The following ADGRF4 variants were observed in gnomAD, a reference collection of about 807,000 sequenced individuals.
The protein encoded by ADGRF4 is G-protein coupled receptor PGR18.
A neutral mutation model predicts 58.5 loss-of-function variants in ADGRF4; 63 were observed. The ratio of observed to expected loss-of-function variants is 1.08; its 90% CI spans 0.88 to 1.33. The LOEUF (loss-of-function observed/expected upper bound fraction) is 1.33. Among genes scored for constraint, ADGRF4 ranks in the 40% most tolerant of loss-of-function variants. The pLI, the probability that ADGRF4 is intolerant of heterozygous loss-of-function variation, is 0.00. For synonymous variants in ADGRF4, 313 were observed against 295.4 expected (o/e 1.06, Z -0.61); for missense variants, 931 against 843.9 (o/e 1.10, Z -1.28).
At chr6:47,702,317 A>G (rs1277590042) in intron 1 of ADGRF4, among the ~76,000 whole-genome samples, 3 of 151,996 alleles carry the variant, frequency 2.0e-5, no homozygotes, top group African/African-American at 7.3e-5. Flanking sequence ...TGACCATGGA[A>G]CCCCTTTGGC....
chr6:47,707,976 A>G (rs1258535003), intron 2 of ADGRF4, among the ~76,000 whole-genome samples: 2 of 152,168 alleles, frequency 1.3e-5, no homozygotes, highest in Admixed American at 6.5e-5. Flanking sequence ...CATCTCTACT[A>G]ACTTCACCTA....
chr6:47,699,845 C>T (rs183149499), intron 1 of ADGRF4, among the ~76,000 whole-genome samples: 1 of 151,784 alleles, frequency 6.6e-6, no homozygotes, highest in African/African-American at 2.4e-5. Context: ...AATTATACTA[C>T]TGGAACAGAG....
rs375005637 is a variant in ADGRF4, at chr6:47,707,304, A to T, written c.59A>T (p.Glu20Val). 65 of 1,613,044 alleles carry T rather than the reference A, an allele frequency of 4.0e-5. No individual in the cohort carries two copies. The highest frequency in any genetic ancestry group is 1.6e-4 in the Middle Eastern group (1 of 6,062). ...TGCTTAGTGTTCTTTCTGTCCACAG[A>T]ATGTTCCCACTATAGATCCAAGATT... Reference protein sequence around the residue: ...ICCLVFFLSTECSHYRSKIHL... With the variant: ...ICCLVFFLSTVCSHYRSKIHL... The change falls in exon 2 of 10, where the codon GAA becomes GTA. Residue 20 changes from glutamate (E) to valine (V), a missense_variant. Glu to Val is a moderately radical substitution (Grantham distance 121). Transcript: ENST00000283303.
Position 47,713,264 on chromosome 6 carries a change from C to A in ADGRF4, c.553-534C>A, listed in dbSNP as rs563606089. Among the ~76,000 whole-genome samples the A allele has an allele frequency of 7.2e-4, 11 of 15,218 alleles. No individual in the cohort carries two copies. The South Asian group carries it at 0.21, about 296-fold the overall frequency. 10.0% of individuals were successfully genotyped at this position (15,218 alleles called of 152,430 possible). On this transcript the variant is annotated intron_variant, in intron 5 of 9. Coordinates refer to ENST00000283303, the MANE Select transcript of ADGRF4 (RefSeq NM_153838.5). ...GAGGACCACTGCTGTAGAACATAAC[C>A]ATTCTGAGAAAGTTAATGGAGATTC...
chr6:47,712,242 G>C (rs1771888900), intron 4 of ADGRF4, 115 bp from the exon 5 acceptor site: 2 of 1,000,714 alleles, frequency 2.0e-6, no homozygotes, highest in Admixed American at 4.4e-5. Context: ...CCACTTTTTA[G>C]GACTCTTTGC....
At chr6:47,716,756 A>G (rs1173633911) in intron 6 of ADGRF4, 50 bp from the exon 7 acceptor site, 4 of 1,379,032 alleles carry the variant, frequency 2.9e-6, no homozygotes, top group East Asian at 4.6e-5. Flanking sequence ...TAACAGCAGG[A>G]ATATTTTTTG....
At chr6:47,717,980 C>T (rs1021240861) in intron 8 of ADGRF4, among the ~76,000 whole-genome samples, 2 of 152,308 alleles carry the variant, frequency 1.3e-5, no homozygotes, top group East Asian at 3.9e-4. Flanking sequence ...TACAGATTCA[C>T]ATTAGGAGCC....
Position 47,714,950 on chromosome 6 carries a change from A to G in ADGRF4, c.1705A>G (p.Ile569Val), listed in dbSNP as rs774507047. The change falls in exon 6 of 10, where the codon ATT (isoleucine) becomes GTT (valine). Residue 569 changes from isoleucine to valine, a missense_variant. By Grantham distance (29) the Ile-to-Val change is conservative. Coordinates refer to ENST00000283303, the MANE Select transcript of ADGRF4 (RefSeq NM_153838.5). ...LLAFAIPAFV[I>V]VAVNLIVVLV... Reference sequence around the variant, plus strand: ...AGCATTTGCCATCCCGGCGTTCGTCATTGTGGCTGTAAATCTGATTGTGGT... The same window carrying G: ...AGCATTTGCCATCCCGGCGTTCGTCGTTGTGGCTGTAAATCTGATTGTGGT... The G allele has an allele frequency of 7.4e-6, 12 of 1,613,740 alleles. No individual in the cohort carries two copies. The highest frequency in any genetic ancestry group is 1.0e-5 in the Non-Finnish European group (12 of 1,179,742).
In ADGRF4 at chr6:47,714,704, C is replaced by A; in HGVS notation, c.1459C>A (p.Leu487Met). 1 of 1,614,096 alleles carries A rather than the reference C, an allele frequency of 6.2e-7. No homozygotes were observed. Among genetic ancestry groups the A allele is most frequent in the Non-Finnish European group, 8.5e-7 (1 of 1,179,964 alleles). The change falls in exon 6 of 10, where the codon CTG (leucine) becomes ATG (methionine). Residue 487 changes from leucine to methionine, a missense_variant. Coordinates refer to ENST00000283303, the MANE Select transcript of ADGRF4 (RefSeq NM_153838.5). ...TFFSHFFYLS[L>M]FFWMLFKALL... is the part of the protein sequence containing the mutation. Reference sequence around the variant, plus strand: ...TTTCAGCCACTTTTTCTACCTCTCTCTGTTTTTCTGGATGCTCTTCAAAGC... The same window carrying A: ...TTTCAGCCACTTTTTCTACCTCTCTATGTTTTTCTGGATGCTCTTCAAAGC...
intron 1 of ADGRF4, among the ~76,000 whole-genome samples, chr6:47,700,769 A>C (rs1771571835): frequency 6.6e-6 from 1 of 152,204 alleles, no homozygotes; most frequent in South Asian, 2.1e-4. Context: ...TGACCCTCTG[A>C]GATAGAAAAG....
At chr6:47,702,359 T>C (rs1447748747) in intron 1 of ADGRF4, among the ~76,000 whole-genome samples, 2 of 152,150 alleles carry the variant, frequency 1.3e-5, no homozygotes, top group African/African-American at 4.8e-5. Flanking sequence ...CAGAAACCCA[T>C]GTGAGGACAC....
chr6:47,699,245 A>G (rs957775599), intron 1 of ADGRF4, among the ~76,000 whole-genome samples: 2 of 152,218 alleles, frequency 1.3e-5, no homozygotes, highest in Non-Finnish European at 2.9e-5. Context: ...TTACTGCCAA[A>G]CACGTTTTTG....
intron 4 of ADGRF4, among the ~76,000 whole-genome samples, chr6:47,711,497 G>A (rs755499968): frequency 1.3e-5 from 2 of 152,228 alleles, no homozygotes; most frequent in East Asian, 3.9e-4. Context: ...TCTTGACCTC[G>A]TGATCTGCCC....
chr6:47,720,635 C>T (rs1466688045), intron 9 of ADGRF4, among the ~76,000 whole-genome samples: 1 of 151,804 alleles, frequency 6.6e-6, no homozygotes, highest in Non-Finnish European at 1.5e-5. Context: ...GAGAGAGGGC[C>T]ACGGCATTCT....
At chr6:47,707,129 G>A (rs1771728270) in intron 1 of ADGRF4, 101 bp from the exon 2 acceptor site, 4 of 722,904 alleles carry the variant, frequency 5.5e-6, no homozygotes, top group Admixed American at 1.9e-5. Flanking sequence ...CTATCTCAGA[G>A]TATCTAGTGG....
rs1475867113 is a variant in ADGRF4 at position 47,715,184 on chromosome 6, T to A, written c.1932+7T>A. 5.8e-6 allele frequency: 9 copies of A among 1,557,458 alleles called. No homozygotes were observed. The South Asian group carries it at 1.1e-4, about 19-fold the overall frequency. Reference sequence around the variant, plus strand: ...CTTGCTCAATGCTTTCCAGGTAAGTTCCAAGAGGGAGACTTTTCTGTGTTA... The same window carrying A: ...CTTGCTCAATGCTTTCCAGGTAAGTACCAAGAGGGAGACTTTTCTGTGTTA... On this transcript the variant is annotated splice_region_variant and intron_variant, in intron 6 of 9. Coordinates refer to ENST00000283303, the MANE Select transcript of ADGRF4 (RefSeq NM_153838.5).
rs1211826325 is a variant in ADGRF4, at chr6:47,707,343, G to C, written c.93+5G>C. On this transcript the variant is annotated splice_donor_5th_base_variant and intron_variant, in intron 2 of 9. Coordinates refer to ENST00000283303, the MANE Select transcript of ADGRF4 (RefSeq NM_153838.5). ...AGATCCAAGATTCACCTAAAAGTAA[G>C]TTTGATCTATTCCTATGTGATCCGA... The C allele has an allele frequency of 1.2e-5, 19 of 1,555,120 alleles. No homozygotes were observed. The East Asian group carries it at 4.3e-4, about 35-fold the overall frequency.
At position 47,710,721 on chromosome 6, in the gene ADGRF4, T is replaced by C. The variant is rs537700335; in HGVS notation, c.149-14T>C. 1.4e-6 allele frequency: 2 copies of C among 1,457,114 alleles called. No homozygotes were observed. The highest frequency in any genetic ancestry group is 2.4e-5 in the African/African-American group (1 of 42,168). 90.3% of individuals were successfully genotyped at this position (1,457,114 alleles called of 1,614,324 possible). On this transcript the variant is annotated splice_polypyrimidine_tract_variant and intron_variant, in intron 3 of 9. Transcript: ENST00000283303. Reference sequence around the variant, plus strand: ...GGCTCCTGTCTCTCTCTCTTTCTCTTTTTTTCTTTATAGAGAAATGCGAAG... The same window carrying C: ...GGCTCCTGTCTCTCTCTCTTTCTCTCTTTTTCTTTATAGAGAAATGCGAAG...
rs748875627 is a variant in ADGRF4 at position 47,714,527 on chromosome 6, T to C, written c.1282T>C (p.Ser428Pro). 1.2e-6 allele frequency: 2 copies of C among 1,614,088 alleles called. No homozygotes were observed. Among genetic ancestry groups the C allele is most frequent in the South Asian group, 2.2e-5 (2 of 91,070 alleles). The part of the protein sequence containing the change: ...LCLIIEATVW[S>P]RVVVTEISYM... ...CCTGATCATTGAAGCCACAGTGTGG[T>C]CCCGGGTGGTTGTGACGGAGATATC... Residue 428 changes from serine (S) to proline (P), a missense_variant, in exon 6 of 10, where the codon TCC becomes CCC. By Grantham distance (74) the Ser-to-Pro change is moderately conservative. Coordinates refer to ENST00000283303, the MANE Select transcript of ADGRF4 (RefSeq NM_153838.5).
Sources: allele counts gnomAD v4.1 joint callset (sites outside exome capture counted in the v4.1 genomes callset), GRCh38; gene constraint gnomAD v4.1.1; transcripts MANE v1.5; gene names NCBI Gene and HGNC (gene_info 2026-07-23, HGNC 2026-07-21).